TMEM204: variants seen among roughly 807,000 people sequenced by gnomAD.
TMEM204 encodes the protein claudin-like protein 24.
In TMEM204, 15 loss-of-function variants were observed where a neutral mutation model predicts 19.4. That is an observed-to-expected ratio of 0.77 (90% confidence interval 0.52 to 1.19). TMEM204 has a LOEUF of 1.19. Among genes scored for constraint, TMEM204 ranks in the 50% most tolerant of loss-of-function variants. TMEM204 has a pLI of 0.00. For synonymous variants in TMEM204, 161 were observed against 146.0 expected (o/e 1.10, Z -0.74); for missense variants, 287 against 321.2 (o/e 0.89, Z 0.81).
rs2032799406 is a variant in TMEM204 at position 1,553,054 on chromosome 16, C to T, written c.437-1728C>T. On this transcript the variant is annotated intron_variant, in intron 2 of 2. Coordinates refer to ENST00000566264, the MANE Select transcript of TMEM204 (RefSeq NM_024600.6). The surrounding 1 kb of genome is among the most constrained non-coding windows in gnomAD (Gnocchi z 4.4). ...AATGAACACAGAAACCAGTCACTGT[C>T]ATTGTTCAGGACAAAATGGAGATAG... 1.0e-6 allele frequency: 1 copy of T among 985,406 alleles called. No homozygotes were observed. The highest frequency in any genetic ancestry group is 1.2e-6 in the Non-Finnish European group (1 of 829,936). The allele number at this position is 985,406 out of a possible 1,614,324, so 61.0% of individuals were successfully genotyped here.
intron 1 of TMEM204, among the ~76,000 whole-genome samples, chr16:1,540,365 A>G (rs1157563054): frequency 1.3e-5 from 2 of 152,234 alleles, no homozygotes; most frequent in South Asian, 2.1e-4. Flanking sequence ...CTCACGAAGT[A>G]AAGCAGCCCG....
chr16:1,551,981 G>A lies in TMEM204; in HGVS notation c.437-2801G>A, dbSNP rs1442634538. ...GCCCGCGCTGTCCCCCTGCAATGACGGTACCTCCAGGTCCCCTATGTGTGG... is the reference window on the plus strand; with the variant it reads ...GCCCGCGCTGTCCCCCTGCAATGACAGTACCTCCAGGTCCCCTATGTGTGG... On this transcript the variant is annotated intron_variant, in intron 2 of 2. Coordinates refer to ENST00000566264, the MANE Select transcript of TMEM204 (RefSeq NM_024600.6). This position sits in a 1 kb window ranked among gnomAD's most constrained non-coding sequence, Gnocchi z 4.0. Among the ~76,000 whole-genome samples the A allele has an allele frequency of 3.3e-5, 5 of 152,074 alleles. No homozygotes were observed. The highest frequency in any genetic ancestry group is 2.1e-4 in the South Asian group (1 of 4,814).
At chr16:1,546,367 G>A (rs1366453288) in intron 2 of TMEM204, among the ~76,000 whole-genome samples, 1 of 152,168 alleles carries the variant, frequency 6.6e-6, no homozygotes, top group East Asian at 1.9e-4. Context: ...GGTTCTGCAG[G>A]AGCCCAGAGC....
chr16:1,550,407 A>G (rs1419561103), intron 2 of TMEM204, among the ~76,000 whole-genome samples: 2 of 152,274 alleles, frequency 1.3e-5, no homozygotes, highest in Non-Finnish European at 2.9e-5. Flanking sequence ...TTCAAAAGCT[A>G]TGACACTGAT....
At chr16:1,536,546 G>C (rs900413600) in intron 1 of TMEM204, among the ~76,000 whole-genome samples, 1 of 152,200 alleles carries the variant, frequency 6.6e-6, no homozygotes, top group African/African-American at 2.4e-5. Context: ...GAAGCGTCAC[G>C]GAAGCTCCTT....
At chr16:1,542,396 C>G (rs953214040) in intron 2 of TMEM204, among the ~76,000 whole-genome samples, 1 of 152,244 alleles carries the variant, frequency 6.6e-6, no homozygotes, top group Non-Finnish European at 1.5e-5. Context: ...CTGACTGGCC[C>G]TTGTGCAGTC....
intron 2 of TMEM204, among the ~76,000 whole-genome samples, chr16:1,552,285 C>T (rs2032713674): frequency 6.6e-6 from 1 of 152,110 alleles, no homozygotes; most frequent in Admixed American, 6.5e-5. Flanking sequence ...TGCATCGCCC[C>T]CCTGCTGGGC....
Position 1,534,633 on chromosome 16 carries a change from G to C in TMEM204, c.280+78G>C, listed in dbSNP as rs2030878341. 4 of 1,581,990 alleles carry C rather than the reference G, an allele frequency of 2.5e-6. No individual in the cohort carries two copies. The South Asian group carries it at 4.4e-5, about 18-fold the overall frequency. On this transcript the variant is annotated intron_variant, in intron 1 of 2. Transcript: ENST00000566264. The stretch of plus-strand genomic sequence containing the variant: ...CATGGGAGATGTTAGGCGCGGACCT[G>C]GTGAGCGGGTGGGGAGGCCTGGCCC...
rs1268795402 is a variant in TMEM204 at position 1,553,997 on chromosome 16, C to T, written c.437-785C>T. The T allele has an allele frequency of 1.6e-6, 2 of 1,287,226 alleles. No individual in the cohort carries two copies. 79.7% of individuals were successfully genotyped at this position (1,287,226 alleles called of 1,614,324 possible). On this transcript the variant is annotated intron_variant, in intron 2 of 2. Coordinates refer to ENST00000566264, the MANE Select transcript of TMEM204 (RefSeq NM_024600.6). This position sits in a 1 kb window ranked among gnomAD's most constrained non-coding sequence, Gnocchi z 4.4. ...CTAGACGGGAACAAGCTGCGCCAAC[C>T]AAGGGTTGCTCACGGCCCACCTCTC... is the stretch of plus-strand genomic sequence containing the variant.
intron 1 of TMEM204, among the ~76,000 whole-genome samples, chr16:1,538,920 C>A (rs2141266042): frequency 6.6e-6 from 1 of 152,316 alleles, no homozygotes; most frequent in African/African-American, 2.4e-5. Flanking sequence ...CCTGCTGGTC[C>A]CATCTGCACA....
Position 1,541,919 on chromosome 16 carries a change from A to G in TMEM204, c.281-2A>G. 1 of 1,591,660 alleles carries G rather than the reference A, an allele frequency of 6.3e-7. No individual in the cohort carries two copies. The highest frequency in any genetic ancestry group is 8.6e-7 in the Non-Finnish European group (1 of 1,168,544). On this transcript the variant is annotated splice_acceptor_variant, in intron 1 of 2. Transcript: ENST00000566264. LOFTEE classifies it high-confidence loss of function. ...CACTGCCTCTCTGCTCTTGGCCCACAGTGCAGTTCGACATGATGCGCGCCT... is the reference window on the plus strand; with the variant it reads ...CACTGCCTCTCTGCTCTTGGCCCACGGTGCAGTTCGACATGATGCGCGCCT...
At chr16:1,534,676 T>G in intron 1 of TMEM204, 121 bp downstream of exon 1, 2 of 1,425,912 alleles carry the variant, frequency 1.4e-6, no homozygotes, top group Non-Finnish European at 1.9e-6. Flanking sequence ...GCCCTGAGCG[T>G]GGCCTCTGGG....
At chr16:1,543,689 C>T (rs186297340) in intron 2 of TMEM204, among the ~76,000 whole-genome samples, 42 of 152,326 alleles carry the variant, frequency 2.8e-4, no homozygotes, top group East Asian at 7.7e-4. Flanking sequence ...GGACTGACTC[C>T]GCCTCCTCCC....
chr16:1,541,929 G>A lies in TMEM204; in HGVS notation c.289G>A (p.Asp97Asn), dbSNP rs761898808. 1.0e-5 allele frequency: 16 copies of A among 1,602,204 alleles called. No homozygotes were observed. The highest frequency in any genetic ancestry group is 9.0e-5 in the East Asian group (4 of 44,690). Residue 97 changes from aspartate to asparagine, a missense_variant, in exon 2 of 3, where the codon GAC (aspartate) becomes AAC (asparagine). Coordinates refer to ENST00000566264, the MANE Select transcript of TMEM204 (RefSeq NM_024600.6). ...ESRGTVKLQFDMMRACNLVAT... is the reference protein window; with the variant it reads ...ESRGTVKLQFNMMRACNLVAT... Reference sequence around the variant, plus strand: ...CTGCTCTTGGCCCACAGTGCAGTTCGACATGATGCGCGCCTGCAACCTGGT... The same window carrying A: ...CTGCTCTTGGCCCACAGTGCAGTTCAACATGATGCGCGCCTGCAACCTGGT...
intron 1 of TMEM204, chr16:1,541,127 C>T: frequency 1.0e-6 from 1 of 985,346 alleles, no homozygotes; most frequent in Admixed American, 6.1e-5. Flanking sequence ...GACCACGCAT[C>T]CATGTGCCCT....
At position 1,555,215 on chromosome 16, in the gene TMEM204, C is replaced by A; in HGVS notation, c.*189C>A. The A allele has an allele frequency of 1.4e-6, 1 of 720,136 alleles. No individual in the cohort carries two copies. The highest frequency in any genetic ancestry group is 2.2e-6 in the Non-Finnish European group (1 of 454,862). 44.6% of individuals were successfully genotyped at this position (720,136 alleles called of 1,614,324 possible). On this transcript the variant is annotated 3_prime_UTR_variant, in exon 3 of 3. Transcript: ENST00000566264. ...ATGTCGGTCATATGTCTGTACGTGTCGTGGGCCAACCTCGTTCTGCCTCCA... is the reference window on the plus strand; with the variant it reads ...ATGTCGGTCATATGTCTGTACGTGTAGTGGGCCAACCTCGTTCTGCCTCCA...
upstream of TMEM204, chr16:1,533,316 G>A (rs2030703424): frequency 6.6e-6 from 1 of 151,146 alleles, no homozygotes; most frequent in Non-Finnish European, 1.5e-5. This position sits in a 1 kb window ranked among gnomAD's most constrained non-coding sequence, Gnocchi z 4.7. Flanking sequence ...GGTTCCTATG[G>A]TCCTGGGGGT....
chr16:1,547,209 C>T (rs2294623), intron 2 of TMEM204, among the ~76,000 whole-genome samples: 20,625 of 152,166 alleles, frequency 0.14, 1,611 homozygotes, highest in Admixed American at 0.22. Context: ...CCCAAAATTC[C>T]CTGGACATGA....
intron 1 of TMEM204, chr16:1,541,257 G>A (rs746611588): frequency 2.0e-6 from 2 of 985,464 alleles, no homozygotes; most frequent in Non-Finnish European, 2.4e-6. Flanking sequence ...TGTGGCAGAT[G>A]GGGTGACGGG....
Sources: allele counts gnomAD v4.1 joint callset (sites outside exome capture counted in the v4.1 genomes callset), GRCh38; gene constraint gnomAD v4.1.1; non-coding constraint Gnocchi (gnomAD v3.1); transcripts MANE v1.5; gene names NCBI Gene and HGNC (gene_info 2026-07-23, HGNC 2026-07-21).